Variants in LRRC7 observed in about 807,000 individuals in gnomAD.
The protein encoded by LRRC7 is leucine rich repeat containing 7, also known as leucine-rich repeat-containing protein 7.
LRRC7 carries 23 observed loss-of-function variants against 175.7 expected under a neutral mutation model. The ratio of observed to expected loss-of-function variants is 0.13; its 90% CI spans 0.09 to 0.19. LRRC7 has a LOEUF of 0.19. Ranked by LOEUF, LRRC7 falls within the 10% of genes least tolerant of loss-of-function variation. The pLI, the probability that LRRC7 is intolerant of heterozygous loss-of-function variation, is 1.00. For synonymous variants in LRRC7, 685 were observed against 680.9 expected (o/e 1.01, Z -0.09); for missense variants, 1,354 against 1,904.7 (o/e 0.71, Z 5.38).
intron 8 of LRRC7, among the ~76,000 whole-genome samples, chr1:69,941,106 A>G (rs1435623260): frequency 6.6e-6 from 1 of 152,104 alleles, no homozygotes; most frequent in African/African-American, 2.4e-5. Flanking sequence ...GCAAGTACCA[A>G]CACCTGATAT....
intron 1 of LRRC7, among the ~76,000 whole-genome samples, chr1:69,598,252 A>G (rs1646919375): frequency 6.6e-6 from 1 of 152,148 alleles, no homozygotes; most frequent in African/African-American, 2.4e-5. Context: ...TCAGGAATAT[A>G]GTCTATGGTA....
chr1:70,088,296 C>T (rs1160221816), intron 24 of LRRC7, among the ~76,000 whole-genome samples: 1 of 152,156 alleles, frequency 6.6e-6, no homozygotes, highest in Non-Finnish European at 1.5e-5. Context: ...GTGGCTAACA[C>T]CTGTGATTCC....
At chr1:69,631,025 ATT>A (rs202188664) in intron 1 of LRRC7, among the ~76,000 whole-genome samples, 1 of 150,034 alleles carries the variant, frequency 6.7e-6, no homozygotes, top group African/African-American at 2.4e-5. Flanking sequence ...TCTTTTTTTC[ATT>A]TTTTTTTATT....
chr1:69,927,471 A>G (rs1449300092), intron 7 of LRRC7, among the ~76,000 whole-genome samples: 1 of 152,120 alleles, frequency 6.6e-6, no homozygotes. Context: ...TGGTCTTTTC[A>G]CATAGTCCCA....
At chr1:69,953,218 C>A (rs1190533693) in intron 8 of LRRC7, among the ~76,000 whole-genome samples, 2 of 151,922 alleles carry the variant, frequency 1.3e-5, no homozygotes, top group Non-Finnish European at 2.9e-5. Flanking sequence ...AGCATGCTTC[C>A]TACCTCTGTG....
At chr1:69,677,845 C>T (rs975054545) in intron 1 of LRRC7, among the ~76,000 whole-genome samples, 2 of 152,044 alleles carry the variant, frequency 1.3e-5, no homozygotes, top group African/African-American at 4.8e-5. Flanking sequence ...CTAGGAAGTC[C>T]AAGGTCAAGG....
intron 2 of LRRC7, among the ~76,000 whole-genome samples, chr1:69,728,009 C>A (rs1667164333): frequency 6.6e-6 from 1 of 152,186 alleles, no homozygotes; most frequent in African/African-American, 2.4e-5. Flanking sequence ...CCATTCCCTG[C>A]AGGTGCTTAA....
chr1:69,781,699 G>GAA (rs200783706), intron 3 of LRRC7, among the ~76,000 whole-genome samples: 303 of 21,798 alleles, frequency 0.014, 9 homozygotes, highest in East Asian at 0.044. Context: ...AAGAAAGAAA[G>GAA]AAAGAAAGAA....
rs1023725991 is a variant in LRRC7, at chr1:70,078,802, G to A, written c.4452+2504G>A. On this transcript the variant is annotated intron_variant, in intron 24 of 26. Transcript: ENST00000651989. ...TACAGTTCTACATATACGCGCGCGC[G>A]CGCGCGCGCACACACACACACGCAC... 7.0e-3 allele frequency among the ~76,000 whole-genome samples: 728 copies of A among 104,508 alleles called. 7 individuals are homozygous for A. The highest frequency in any genetic ancestry group is 0.037 in the African/African-American group (651 of 17,550). The allele number at this position is 104,508 out of a possible 152,430, so 68.6% of individuals were successfully genotyped here.
intron 8 of LRRC7, among the ~76,000 whole-genome samples, chr1:69,974,002 T>C (rs1451979360): frequency 6.6e-6 from 1 of 152,238 alleles, no homozygotes; most frequent in Non-Finnish European, 1.5e-5. Context: ...ACCAAGGAAA[T>C]TACTTCTTTG....
intron 1 of LRRC7, among the ~76,000 whole-genome samples, chr1:69,626,162 T>A (rs1372203299): frequency 2.6e-5 from 4 of 152,206 alleles, no homozygotes; most frequent in African/African-American, 9.6e-5. Context: ...AATATCTGAT[T>A]CATTCTTATT....
intron 8 of LRRC7, among the ~76,000 whole-genome samples, chr1:69,935,620 T>C (rs1268567976): frequency 2.0e-5 from 3 of 152,210 alleles, no homozygotes; most frequent in Non-Finnish European, 4.4e-5. Context: ...TTGTGTTTCC[T>C]GTTTTGTGAA....
At chr1:69,784,476 C>T (rs1674166589) in intron 3 of LRRC7, among the ~76,000 whole-genome samples, 1 of 152,138 alleles carries the variant, frequency 6.6e-6, no homozygotes, top group African/African-American at 2.4e-5. Flanking sequence ...AATACAATGA[C>T]TCACAAAAGA....
intron 4 of LRRC7, among the ~76,000 whole-genome samples, chr1:69,823,701 T>C (rs1428481443): frequency 1.3e-5 from 2 of 152,178 alleles, no homozygotes; most frequent in Non-Finnish European, 2.9e-5. Flanking sequence ...AATTTTGATA[T>C]GTTTTTGGTT....
intron 1 of LRRC7, among the ~76,000 whole-genome samples, chr1:69,571,786 A>T (rs1361802547): frequency 6.6e-6 from 1 of 152,168 alleles, no homozygotes; most frequent in African/African-American, 2.4e-5. Flanking sequence ...GCTTACTCAG[A>T]TTAACCGACT....
At chr1:70,097,323 T>C (rs1042053143) in intron 25 of LRRC7, among the ~76,000 whole-genome samples, 5 of 152,230 alleles carry the variant, frequency 3.3e-5, no homozygotes, top group African/African-American at 1.2e-4. Context: ...TAATGATGCG[T>C]TAGCCATTGA....
intron 7 of LRRC7, among the ~76,000 whole-genome samples, chr1:69,842,928 G>A (rs1681892626): frequency 6.6e-6 from 1 of 152,130 alleles, no homozygotes; most frequent in South Asian, 2.1e-4. Flanking sequence ...GCCAGGAGCA[G>A]TGGCTCACAT....
intron 22 of LRRC7, among the ~76,000 whole-genome samples, chr1:70,046,699 A>G (rs897319651): frequency 6.6e-6 from 1 of 152,188 alleles, no homozygotes; most frequent in African/African-American, 2.4e-5. Context: ...CAGGCACTGG[A>G]TAGTTAATCA....
intron 1 of LRRC7, among the ~76,000 whole-genome samples, chr1:69,595,419 A>C (rs1389242825): frequency 6.6e-6 from 1 of 152,266 alleles, no homozygotes; most frequent in East Asian, 1.9e-4. Flanking sequence ...CATCTCAAAA[A>C]ACAAACAAAA....
Sources: allele counts gnomAD v4.1 joint callset (sites outside exome capture counted in the v4.1 genomes callset), GRCh38; gene constraint gnomAD v4.1.1; transcripts MANE v1.5; gene names NCBI Gene and HGNC (gene_info 2026-07-23, HGNC 2026-07-21).